Variants in UBE2F observed in about 807,000 individuals in gnomAD.
UBE2F encodes ubiquitin conjugating enzyme E2 F (putative).
UBE2F carries 5 observed loss-of-function variants against 29.6 expected under a neutral mutation model. The observed-to-expected ratio is 0.17, with a 90% CI of 0.09 to 0.36. UBE2F has a LOEUF of 0.36. UBE2F is among the 10% of genes least tolerant of loss of function. The pLI is 1.00. For synonymous variants in UBE2F, 66 were observed against 81.8 expected, an observed-to-expected ratio of 0.81 and a Z score of 1.04; for missense variants, 141 against 228.5, an observed-to-expected ratio of 0.62 and a Z score of 2.47.
chr2:238,002,269 T>A (rs2063810919), intron 4 of UBE2F, among the ~76,000 whole-genome samples: 1 of 152,116 alleles, frequency 6.6e-6, no homozygotes, highest in South Asian at 2.1e-4. Context: ...TTTTTGTTTT[T>A]GTTTTTGTTT....
At chr2:238,030,672 AG>A (rs1224033634) in intron 7 of UBE2F, 59 bp downstream of exon 7, 8 of 1,325,222 alleles carry the variant, frequency 6.0e-6, no homozygotes, top group African/African-American at 2.9e-5. Flanking sequence ...TCCCTGCAGT[AG>A]CCAGCCTCCC....
chr2:238,031,362 C>T lies in UBE2F; in HGVS notation c.411+749C>T, dbSNP rs530342436. ...AGCCTCTCCTCCCAGGGTGGGTGCTCTGGGGAACACGTCTCATGAACAGTG... is the reference window on the plus strand; with the variant it reads ...AGCCTCTCCTCCCAGGGTGGGTGCTTTGGGGAACACGTCTCATGAACAGTG... On this transcript the variant is annotated intron_variant, in intron 7 of 9. Coordinates refer to ENST00000272930, the MANE Select transcript of UBE2F (RefSeq NM_080678.3). Among the ~76,000 whole-genome samples the T allele has an allele frequency of 3.9e-5, 6 of 152,288 alleles. No individual in the cohort carries two copies. The South Asian group carries it at 8.3e-4, about 21-fold the overall frequency.
At chr2:238,005,153 G>A (rs577699731) in intron 4 of UBE2F, among the ~76,000 whole-genome samples, 2 of 152,166 alleles carry the variant, frequency 1.3e-5, no homozygotes, top group Non-Finnish European at 2.9e-5. Context: ...TGTGTCCTAA[G>A]AAATCTTTGT....
At chr2:238,000,706 TAAGAGTAAG>T (rs1297206134) in intron 4 of UBE2F, among the ~76,000 whole-genome samples, 2 of 152,216 alleles carry the variant, frequency 1.3e-5, no homozygotes, top group East Asian at 3.8e-4. Flanking sequence ...GGCCATGTGG[TAAGAGTAAG>T]TTTAACTTTA....
intron 2 of UBE2F, among the ~76,000 whole-genome samples, chr2:237,974,501 GT>G (rs370519965): frequency 0.028 from 3,038 of 108,558 alleles, 190 homozygotes; most frequent in African/African-American, 0.11. Flanking sequence ...AATTTTTGTG[GT>G]TTTTTTTTTT....
intron 6 of UBE2F, among the ~76,000 whole-genome samples, chr2:238,029,748 G>A (rs979530676): frequency 6.6e-6 from 1 of 152,244 alleles, no homozygotes; most frequent in Non-Finnish European, 1.5e-5. Context: ...GCCCTTGGGC[G>A]TGTCTTCTCT....
At chr2:238,029,595 CA>C (rs10557852) in intron 6 of UBE2F, among the ~76,000 whole-genome samples, 18,753 of 134,468 alleles carry the variant, frequency 0.14, 1,937 homozygotes, top group African/African-American at 0.33. Flanking sequence ...GACTCCGTCT[CA>C]AAAAAAAAAA....
chr2:237,993,495 T>G (rs1219714821), intron 3 of UBE2F, among the ~76,000 whole-genome samples: 1 of 152,140 alleles, frequency 6.6e-6, no homozygotes, highest in Non-Finnish European at 1.5e-5. Context: ...AGTGGATCAC[T>G]TGAGCATGGG....
chr2:238,004,293 G>A (rs2063857469), intron 4 of UBE2F, among the ~76,000 whole-genome samples: 1 of 152,110 alleles, frequency 6.6e-6, no homozygotes. Flanking sequence ...CTTTACTCAT[G>A]GTAGTGGTTA....
In UBE2F at chr2:238,030,556, T is replaced by C. The variant is rs1159417558; in HGVS notation, c.354T>C (p.Ser118=). Residue 118 remains serine (S), a splice_region_variant and synonymous_variant, in exon 7 of 10, where the codon AGT becomes AGC. Coordinates refer to ENST00000272930, the MANE Select transcript of UBE2F (RefSeq NM_080678.3). ...NITETGEICL[S]LLREHSIDGT... ...ACCACTGTGTGTTTGTCTTTTTCAG[T>C]TTATTGAGAGAACATTCAATTGATG... 3 of 1,612,794 alleles carry C rather than the reference T, an allele frequency of 1.9e-6. No individual in the cohort carries two copies. Among genetic ancestry groups the C allele is most frequent in the Non-Finnish European group, 2.5e-6 (3 of 1,179,324 alleles).
chr2:237,970,225 C>T (rs1269820729), intron 1 of UBE2F, among the ~76,000 whole-genome samples: 5 of 152,092 alleles, frequency 3.3e-5, no homozygotes, highest in African/African-American at 1.2e-4. Context: ...ATTAGCTGGA[C>T]ATGATGGTGC....
At chr2:237,972,479 C>G (rs2063193946) in intron 1 of UBE2F, among the ~76,000 whole-genome samples, 1 of 151,834 alleles carries the variant, frequency 6.6e-6, no homozygotes, top group African/African-American at 2.4e-5. Context: ...AGCTTTGTCA[C>G]AACCACATCC....
At chr2:237,983,823 TCAC>T (rs1011781857) in intron 2 of UBE2F, among the ~76,000 whole-genome samples, 7 of 152,186 alleles carry the variant, frequency 4.6e-5, no homozygotes, top group African/African-American at 1.7e-4. Flanking sequence ...TTTCACTGAA[TCAC>T]CACATCCCCG....
At chr2:237,989,938 A>G (rs368488109) in intron 3 of UBE2F, among the ~76,000 whole-genome samples, 1 of 151,754 alleles carries the variant, frequency 6.6e-6, no homozygotes, top group East Asian at 2.0e-4. Context: ...GGTCAACATG[A>G]TGAAACCCTG....
At chr2:237,978,126 T>G (rs2063317326) in intron 2 of UBE2F, among the ~76,000 whole-genome samples, 1 of 152,176 alleles carries the variant, frequency 6.6e-6, no homozygotes, top group Non-Finnish European at 1.5e-5. Context: ...AGTCAGGTTT[T>G]CCTGCTCTGC....
At chr2:237,970,523 A>G (rs6717405) in intron 1 of UBE2F, among the ~76,000 whole-genome samples, 131,455 of 152,154 alleles carry the variant, frequency 0.86, 56,978 homozygotes, top group East Asian at 0.97. Context: ...AATGGGAGTG[A>G]GAGAAGTCCA....
chr2:237,999,145 C>T (rs1161179992), intron 4 of UBE2F, among the ~76,000 whole-genome samples: 1 of 126,434 alleles, frequency 7.9e-6, no homozygotes, highest in African/African-American at 3.2e-5. Flanking sequence ...TGCAGTGGTG[C>T]AACTTCACCT....
intron 4 of UBE2F, among the ~76,000 whole-genome samples, chr2:237,998,478 A>G (rs184780033): frequency 6.6e-6 from 1 of 152,268 alleles, no homozygotes; most frequent in East Asian, 1.9e-4. Context: ...TGTGTGAATC[A>G]GTAGTTTATT....
chr2:238,007,327 G>C (rs2063929145), intron 4 of UBE2F, among the ~76,000 whole-genome samples: 1 of 151,542 alleles, frequency 6.6e-6, no homozygotes, highest in Non-Finnish European at 1.5e-5. Context: ...TCACCATATT[G>C]GCCAGGCTGG....
Sources: allele counts gnomAD v4.1 joint callset (sites outside exome capture counted in the v4.1 genomes callset), GRCh38; gene constraint gnomAD v4.1.1; transcripts MANE v1.5; gene names NCBI Gene and HGNC (gene_info 2026-07-23, HGNC 2026-07-21).